Variants in CIMAP2 observed in about 807,000 individuals in gnomAD.
CIMAP2 encodes the protein ciliary microtubule associated protein 2.
chr1:54,807,785 C>T, the CIMAP2 span: 1 of 1,510,308 alleles, frequency 6.6e-7, no homozygotes, highest in Non-Finnish European at 8.9e-7. Flanking sequence ...CTCCCAAGGC[C>T]AGATGGAGAT....
chr1:54,841,634 G>C, the CIMAP2 span: 57 of 1,614,004 alleles, frequency 3.5e-5, no homozygotes, highest in Non-Finnish European at 4.5e-5. Flanking sequence ...TGTTTTGTTG[G>C]AAAGGCCTAG....
the CIMAP2 span, among the ~76,000 whole-genome samples, chr1:54,840,038 C>T: frequency 6.6e-6 from 1 of 152,330 alleles, no homozygotes; most frequent in East Asian, 1.9e-4. Flanking sequence ...GCATGAGCCA[C>T]CACGCCCAGC....
At chr1:54,814,852 C>T in the CIMAP2 span, 1 of 1,608,176 alleles carries the variant, frequency 6.2e-7, no homozygotes, top group East Asian at 2.2e-5. Context: ...CTCACCTGCC[C>T]TGGGCCCAGG....
chr1:54,807,499 C>A, the CIMAP2 span: 1 of 1,479,144 alleles, frequency 6.8e-7, no homozygotes, highest in South Asian at 1.4e-5. Flanking sequence ...GCGTGGCTGT[C>A]ACAGCTCTGA....
chr1:54,817,252 C>A, the CIMAP2 span: 2 of 1,270,264 alleles, frequency 1.6e-6, no homozygotes, highest in Non-Finnish European at 2.2e-6. Context: ...AGCCAAACAG[C>A]AGAGGCAGTG....
At chr1:54,838,128 A>C in the CIMAP2 span, among the ~76,000 whole-genome samples, 3 of 152,010 alleles carry the variant, frequency 2.0e-5, no homozygotes, top group Non-Finnish European at 4.4e-5. Context: ...TGGGCTTGGA[A>C]AGGGGTAACA....
At chr1:54,815,534 C>G in the CIMAP2 span, among the ~76,000 whole-genome samples, 11 of 152,230 alleles carry the variant, frequency 7.2e-5, no homozygotes, top group East Asian at 1.5e-3. Context: ...AGCAAGACCC[C>G]CTTCTGGCCC....
At chr1:54,830,311 C>T in the CIMAP2 span, among the ~76,000 whole-genome samples, 10 of 152,150 alleles carry the variant, frequency 6.6e-5, no homozygotes, top group Admixed American at 6.5e-4. The surrounding 1 kb of genome is among the most constrained non-coding windows in gnomAD (Gnocchi z 4.1). Flanking sequence ...CAACCTTCGC[C>T]TCCTGGGCTC....
the CIMAP2 span, among the ~76,000 whole-genome samples, chr1:54,840,526 G>A: frequency 6.6e-6 from 1 of 152,122 alleles, no homozygotes; most frequent in Admixed American, 6.5e-5. Context: ...AGGTCATTTG[G>A]TGGGTGTGTG....
At chr1:54,811,386 G>A in the CIMAP2 span, among the ~76,000 whole-genome samples, 3 of 152,154 alleles carry the variant, frequency 2.0e-5, no homozygotes, top group Non-Finnish European at 4.4e-5. Context: ...CTTTGCAGGA[G>A]CAGTAGAATT....
At chr1:54,824,573 T>A in the CIMAP2 span, among the ~76,000 whole-genome samples, 4 of 152,114 alleles carry the variant, frequency 2.6e-5, no homozygotes, top group South Asian at 2.1e-4. Flanking sequence ...ATCTTGTAAT[T>A]TTTTTTCTTC....
At chr1:54,822,609 T>A in the CIMAP2 span, among the ~76,000 whole-genome samples, 1 of 152,214 alleles carries the variant, frequency 6.6e-6, no homozygotes, top group East Asian at 1.9e-4. Context: ...TGGCTCATGA[T>A]TCTCCCACCT....
the CIMAP2 span, among the ~76,000 whole-genome samples, chr1:54,806,507 G>A: frequency 0.013 from 1,998 of 152,250 alleles, 33 homozygotes; most frequent in African/African-American, 0.046. Flanking sequence ...GAGGTCACAT[G>A]GCCTGGTCCA....
chr1:54,819,312 C>T, the CIMAP2 span, among the ~76,000 whole-genome samples: 3 of 152,174 alleles, frequency 2.0e-5, no homozygotes, highest in Admixed American at 6.5e-5. Flanking sequence ...CTCCTCCTAG[C>T]CCCCTGGAAT....
chr1:54,840,941 C>T, the CIMAP2 span, among the ~76,000 whole-genome samples: 1 of 152,128 alleles, frequency 6.6e-6, no homozygotes, highest in Non-Finnish European at 1.5e-5. Flanking sequence ...AATAAACATA[C>T]TTAGGGCATT....
the CIMAP2 span, chr1:54,817,162 G>A: frequency 6.2e-7 from 1 of 1,610,434 alleles, no homozygotes; most frequent in Admixed American, 1.7e-5. Context: ...GGCGAGGGCG[G>A]TGGGGGGTCT....
the CIMAP2 span, chr1:54,811,772 T>TGCC: frequency 2.2e-6 from 1 of 454,864 alleles, no homozygotes; most frequent in South Asian, 1.6e-5. Flanking sequence ...ACAGCCTCCA[T>TGCC]GCCCCCACCC....
the CIMAP2 span, chr1:54,811,765 G>GCCGGGGGGCCCCCCCCC: frequency 7.7e-7 from 1 of 1,301,332 alleles, no homozygotes; most frequent in Non-Finnish European, 1.1e-6. Flanking sequence ...GGTTCTGACA[G>GCCGGGGGGCCCCCCCCC]CCTCCATGCC....
the CIMAP2 span, among the ~76,000 whole-genome samples, chr1:54,824,725 G>A: frequency 1.3e-5 from 2 of 151,180 alleles, no homozygotes; most frequent in Non-Finnish European, 1.5e-5. Flanking sequence ...TAGGATTTCT[G>A]TTTGGTTCCT....
Sources: gnomAD v4.1 joint callset for allele counts (sites outside exome capture counted in the v4.1 genomes callset) on GRCh38, gnomAD v4.1.1 for gene constraint, Gnocchi (gnomAD v3.1) non-coding constraint, MANE v1.5 for transcripts, NCBI Gene and HGNC (gene_info 2026-07-23, HGNC 2026-07-21) for gene names.